Variants in GOLGA7B observed in about 807,000 individuals in gnomAD.
GOLGA7B encodes golgin subfamily A member 7B.
A neutral mutation model predicts 21.5 loss-of-function variants in GOLGA7B; 17 were observed. That is an observed-to-expected ratio of 0.79 (90% CI 0.54 to 1.19). The LOEUF (loss-of-function observed/expected upper bound fraction) is 1.19, where lower values mean the gene tolerates loss of function less well. Among genes scored for constraint, GOLGA7B ranks in the 50% most tolerant of loss-of-function variants. GOLGA7B has a pLI of 0.00. For synonymous variants in GOLGA7B, 87 were observed against 84.0 expected (o/e 1.04, Z -0.19); for missense variants, 169 against 224.4 (o/e 0.75, Z 1.58).
At chr10:97,853,659 T>C (rs1024720852) in intron 1 of GOLGA7B, among the ~76,000 whole-genome samples, 9 of 151,964 alleles carry the variant, frequency 5.9e-5, no homozygotes, top group African/African-American at 9.7e-5. Flanking sequence ...AGGTGAGAAG[T>C]GGAGAGAGGC....
At position 97,865,958 on chromosome 10, in the gene GOLGA7B, A is replaced by G; in HGVS notation, c.*258A>G. On this transcript the variant is annotated 3_prime_UTR_variant, in exon 5 of 5. Coordinates refer to ENST00000370602, the MANE Select transcript of GOLGA7B (RefSeq NM_001010917.3). ...CCGATGGGGCTGGTCTGGGCCACACAGAGACAGATCTTCCTAGGAAGGCTG... is the reference window on the plus strand; with the variant it reads ...CCGATGGGGCTGGTCTGGGCCACACGGAGACAGATCTTCCTAGGAAGGCTG... 1 of 508,678 alleles carries G rather than the reference A, an allele frequency of 2.0e-6. No individual in the cohort carries two copies. The highest frequency in any genetic ancestry group is 3.3e-6 in the Non-Finnish European group (1 of 299,510). The allele number at this position is 508,678 out of a possible 1,614,324, so 31.5% of individuals were successfully genotyped here.
In GOLGA7B at chr10:97,866,808, GTA is replaced by G. The variant is rs958102151; in HGVS notation, c.*1110_*1111del. ...AGTGTTCATGTGTATGAGTGTGTGT[GTA>G]TGCAGGTGAGTGCATGTGTGTGTGA... On this transcript the variant is annotated 3_prime_UTR_variant, in exon 5 of 5. Transcript: ENST00000370602. 1.1e-4 allele frequency: 17 copies of G among 152,222 alleles called. No individual in the cohort carries two copies. Among genetic ancestry groups the G allele is most frequent in the African/African-American group, 3.6e-4 (15 of 41,436 alleles). 9.4% of individuals were successfully genotyped at this position (152,222 alleles called of 1,614,324 possible).
chr10:97,864,647 C>G (rs757589877), intron 4 of GOLGA7B, among the ~76,000 whole-genome samples: 1 of 152,188 alleles, frequency 6.6e-6, no homozygotes, highest in African/African-American at 2.4e-5. Context: ...CCAGGCTCAC[C>G]CTTAACTACA....
intron 1 of GOLGA7B, among the ~76,000 whole-genome samples, chr10:97,851,231 G>C (rs113185918): frequency 2.0e-5 from 3 of 152,170 alleles, no homozygotes; most frequent in Non-Finnish European, 4.4e-5. Flanking sequence ...GGACATCAGG[G>C]TCTCCCCAGT....
Position 97,850,188 on chromosome 10 carries a change from G to A in GOLGA7B, c.-116G>A. On this transcript the variant is annotated 5_prime_UTR_variant, in exon 1 of 5. Coordinates refer to ENST00000370602, the MANE Select transcript of GOLGA7B (RefSeq NM_001010917.3). ...CCGCGGCGCCCGCATCAGCACTGCG[G>A]ACAGCGCCCCGGGCCCCAGCTCGCC... is the stretch of plus-strand genomic sequence containing the variant. 1.7e-6 allele frequency: 1 copy of A among 583,026 alleles called. No homozygotes were observed. The highest frequency in any genetic ancestry group is 2.6e-6 in the Non-Finnish European group (1 of 383,720). 36.1% of individuals were successfully genotyped at this position (583,026 alleles called of 1,614,324 possible).
chr10:97,859,643 T>C lies in GOLGA7B; in HGVS notation c.138+60T>C, dbSNP rs2049958767. 6 of 1,573,416 alleles carry C rather than the reference T, an allele frequency of 3.8e-6. No homozygotes were observed. In the East Asian group the frequency reaches 1.4e-4, roughly 35 times the overall value. Reference sequence around the variant, plus strand: ...GCTGTGATGGAACTGAGGTTCTTATTGGAATGTATTTTATCCAGGATCCTA... The same window carrying C: ...GCTGTGATGGAACTGAGGTTCTTATCGGAATGTATTTTATCCAGGATCCTA... On this transcript the variant is annotated intron_variant, in intron 2 of 4. Transcript: ENST00000370602.
Position 97,850,218 on chromosome 10 carries a change from C to T in GOLGA7B, c.-86C>T, listed in dbSNP as rs529883479. The stretch of plus-strand genomic sequence containing the variant: ...CGCCCCGGGCCCCAGCTCGCCGCCA[C>T]CGCCGCCGCCCACCTGCTCCCGGGG... On this transcript the variant is annotated 5_prime_UTR_variant, in exon 1 of 5. Transcript: ENST00000370602. 42 of 1,047,268 alleles carry T rather than the reference C, an allele frequency of 4.0e-5. No homozygotes were observed. In the South Asian group the frequency reaches 8.0e-4, roughly 20 times the overall value. 64.9% of individuals were successfully genotyped at this position (1,047,268 alleles called of 1,614,324 possible).
At chr10:97,855,497 C>T (rs1023248942) in intron 1 of GOLGA7B, among the ~76,000 whole-genome samples, 1 of 152,174 alleles carries the variant, frequency 6.6e-6, no homozygotes, top group African/African-American at 2.4e-5. Flanking sequence ...GCTTTTCTCA[C>T]CACCTCTTTA....
chr10:97,862,290 G>A (rs958562367), intron 2 of GOLGA7B, among the ~76,000 whole-genome samples: 1 of 152,192 alleles, frequency 6.6e-6, no homozygotes, highest in African/African-American at 2.4e-5. Flanking sequence ...AGCAAATACA[G>A]TTGACCCTTG....
chr10:97,852,855 C>G (rs2136512308), intron 1 of GOLGA7B, among the ~76,000 whole-genome samples: 1 of 152,206 alleles, frequency 6.6e-6, no homozygotes, highest in East Asian at 1.9e-4. Flanking sequence ...GGGATGGAGC[C>G]TCCTGAGTGA....
intron 1 of GOLGA7B, among the ~76,000 whole-genome samples, chr10:97,851,294 A>T (rs1009507488): frequency 6.6e-6 from 1 of 152,126 alleles, no homozygotes; most frequent in African/African-American, 2.4e-5. Flanking sequence ...CAGCTGGCAT[A>T]CACTGGGGGA....
chr10:97,860,842 G>A (rs996902968), intron 2 of GOLGA7B, among the ~76,000 whole-genome samples: 4 of 152,184 alleles, frequency 2.6e-5, no homozygotes, highest in South Asian at 2.1e-4. Flanking sequence ...CTTGCAGGGC[G>A]TCAGCTTGGG....
At chr10:97,858,146 C>G (rs1007264864) in intron 1 of GOLGA7B, among the ~76,000 whole-genome samples, 1 of 152,210 alleles carries the variant, frequency 6.6e-6, no homozygotes, top group Non-Finnish European at 1.5e-5. Flanking sequence ...CTGCCTGCCC[C>G]CTGCTACTGG....
intron 4 of GOLGA7B, among the ~76,000 whole-genome samples, 168 bp downstream of exon 4, chr10:97,864,437 G>A (rs1376466712): frequency 1.3e-5 from 2 of 152,214 alleles, no homozygotes; most frequent in African/African-American, 2.4e-5. Context: ...AGTTATTGGA[G>A]GCTTTGTGAG....
At position 97,865,831 on chromosome 10, in the gene GOLGA7B, A is replaced by C; in HGVS notation, c.*131A>C. The C allele has an allele frequency of 3.4e-5, 13 of 383,828 alleles. No homozygotes were observed. The highest frequency in any genetic ancestry group is 5.4e-5 in the Non-Finnish European group (11 of 202,704). The allele number at this position is 383,828 out of a possible 1,614,324, so 23.8% of individuals were successfully genotyped here. ...CACCCTGCTGCCCGGGGTGGGAGGG[A>C]GGGTGACGGGCCTCATATTTCCTGT... On this transcript the variant is annotated 3_prime_UTR_variant, in exon 5 of 5. Transcript: ENST00000370602.
chr10:97,864,413 C>T, intron 4 of GOLGA7B, 144 bp downstream of exon 4: 1 of 630,144 alleles, frequency 1.6e-6, no homozygotes, highest in Non-Finnish European at 2.8e-6. Context: ...CCTCAGCCCT[C>T]CTCCACCACC....
rs890075768 is a variant in GOLGA7B at position 97,870,807 on chromosome 10, C to T, written c.*5107C>T. ...GGTGGGCCCTCTAAAAGGGAAGGTC[C>T]CTGATGCCTAAGAAAATCTGAAAAC... On this transcript the variant is annotated 3_prime_UTR_variant, in exon 5 of 5. Transcript: ENST00000370602. 2 of 151,836 alleles carry T rather than the reference C, an allele frequency of 1.3e-5. No individual in the cohort carries two copies. Among genetic ancestry groups the T allele is most frequent in the African/African-American group, 4.8e-5 (2 of 41,292 alleles). 9.4% of individuals were successfully genotyped at this position (151,836 alleles called of 1,614,324 possible). A position where few individuals can be genotyped will look rare whatever the true frequency, so the allele number is the denominator to read the frequency against.
chr10:97,865,354 G>T, intron 4 of GOLGA7B: 1 of 604,840 alleles, frequency 1.7e-6, no homozygotes, highest in Non-Finnish European at 2.7e-6. Flanking sequence ...TGTCTGCTGT[G>T]ATCACAGCTA....
At chr10:97,860,805 G>C (rs1331496541) in intron 2 of GOLGA7B, among the ~76,000 whole-genome samples, 1 of 152,176 alleles carries the variant, frequency 6.6e-6, no homozygotes, top group Non-Finnish European at 1.5e-5. Context: ...ACACCTTAGA[G>C]GCACCTGGGA....
Sources: gnomAD v4.1 joint callset for allele counts (sites outside exome capture counted in the v4.1 genomes callset) on GRCh38, gnomAD v4.1.1 for gene constraint, MANE v1.5 for transcripts, NCBI Gene and HGNC (gene_info 2026-07-23, HGNC 2026-07-21) for gene names.